Variants in TEX11 observed in about 807,000 individuals in gnomAD.
TEX11 encodes testis-expressed protein 11.
In TEX11, 7 loss-of-function variants were observed where a neutral mutation model predicts 84.4. The ratio of observed to expected loss-of-function variants is 0.08; its 90% CI spans 0.05 to 0.16. The LOEUF (loss-of-function observed/expected upper bound fraction) is 0.16, where lower values mean the gene tolerates loss of function less well. TEX11 is among the 10% of genes least tolerant of loss of function. The pLI is 1.00. For missense variants in TEX11, 551 were observed against 660.5 expected (o/e 0.83, Z 1.82); for synonymous variants, 264 against 222.8 (o/e 1.18, Z -1.64).
At chrX:70,865,415 A>G (rs1304173466) in intron 4 of TEX11, among the ~76,000 whole-genome samples, 1 of 111,711 alleles carries the variant, frequency 9.0e-6, no homozygotes, top group East Asian at 2.8e-4. Flanking sequence ...AGACCTACAA[A>G]GAGACTTAAA....
chrX:70,840,616 T>C (rs1374277301), intron 7 of TEX11, among the ~76,000 whole-genome samples: 1 of 111,261 alleles, frequency 9.0e-6, no homozygotes, highest in Middle Eastern at 4.2e-3. Flanking sequence ...CAGGATCAAA[T>C]TCACACATAA....
At chrX:70,613,704 G>C (rs1037436629) in intron 20 of TEX11, among the ~76,000 whole-genome samples, 2 of 111,967 alleles carry the variant, frequency 1.8e-5, no homozygotes, top group East Asian at 2.8e-4. Flanking sequence ...TGAGCCACCA[G>C]CTGGGGTAGC....
chrX:70,744,243 T>TATATATATATATA, intron 9 of TEX11, 24 bp from the exon 10 acceptor site: 1 of 203,559 alleles, frequency 4.9e-6, no homozygotes, highest in Non-Finnish European at 7.8e-6. Context: ...GGAAAAAAAA[T>TATATATATATATA]ATATATATAT....
At chrX:70,667,628 C>T (rs2089987129) in intron 16 of TEX11, among the ~76,000 whole-genome samples, 1 of 111,942 alleles carries the variant, frequency 8.9e-6, no homozygotes, top group African/African-American at 3.2e-5. Context: ...ATTATAGTGA[C>T]AGGAGAAAGA....
intron 28 of TEX11, among the ~76,000 whole-genome samples, chrX:70,536,398 G>A (rs1208102040): frequency 1.8e-5 from 2 of 111,551 alleles, no homozygotes; most frequent in East Asian, 5.6e-4. Context: ...GGATACAGAG[G>A]TATACATAAT....
chrX:70,834,708 G>A (rs903487057), intron 7 of TEX11, among the ~76,000 whole-genome samples: 2 of 107,165 alleles, frequency 1.9e-5, no homozygotes, highest in African/African-American at 3.4e-5. Context: ...AGGTTGCAGC[G>A]AGCTGAGATC....
intron 25 of TEX11, among the ~76,000 whole-genome samples, chrX:70,570,272 G>T: frequency 8.9e-6 from 1 of 112,072 alleles, no homozygotes; most frequent in Admixed American, 9.4e-5. Flanking sequence ...GCGCAGTATT[G>T]GGGTGGGAGT....
chrX:70,808,107 CAAAAAAAAAAAAAAAAAAAAAA>C (rs549201546), intron 8 of TEX11, among the ~76,000 whole-genome samples: 3 of 32,610 alleles, frequency 9.2e-5, no homozygotes, highest in South Asian at 3.1e-3. Context: ...GACTCTGTCT[CAAAAAAAAAAAAAAAAAAAAAA>C]AAAAAAAAAA....
intron 28 of TEX11, among the ~76,000 whole-genome samples, chrX:70,535,576 A>T (rs1309809934): frequency 9.0e-6 from 1 of 110,672 alleles, no homozygotes; most frequent in Non-Finnish European, 1.9e-5. Context: ...GTGAAACCGC[A>T]TCTCTACCAA....
chrX:70,886,839 G>A (rs2091711838), intron 2 of TEX11, among the ~76,000 whole-genome samples: 1 of 112,029 alleles, frequency 8.9e-6, no homozygotes, highest in Admixed American at 9.5e-5. Flanking sequence ...GCAATTGGCT[G>A]GGGGTGGAGG....
At chrX:70,610,602 C>A in intron 20 of TEX11, 59 bp from the exon 21 acceptor site, 1 of 1,090,317 alleles carries the variant, frequency 9.2e-7, no homozygotes, top group Admixed American at 2.5e-5. Context: ...TAAAACATAA[C>A]TAAAAAGGGA....
chrX:70,534,685 G>A (rs923062647), intron 28 of TEX11, among the ~76,000 whole-genome samples: 6 of 111,579 alleles, frequency 5.4e-5, no homozygotes, highest in South Asian at 3.8e-4. Flanking sequence ...TAACTGAATC[G>A]TAGGTATTCT....
At chrX:70,757,225 A>G (rs2090873697) in intron 9 of TEX11, among the ~76,000 whole-genome samples, 2 of 111,749 alleles carry the variant, frequency 1.8e-5, no homozygotes, top group African/African-American at 6.5e-5. Context: ...ACCTTCCCCA[A>G]CCTAGCAAGG....
rs767251541 is a variant in TEX11, at chrX:70,552,556, G to A, written c.2400-310C>T. 6.3e-5 allele frequency among the ~76,000 whole-genome samples: 7 copies of A among 111,128 alleles called. No homozygotes were observed. The South Asian group carries it at 2.7e-3, about 43-fold the overall frequency. ...TTTACAGGCATTTTAAAGCATCTCG[G>A]TACTTCCTCAAATGGGCAAGGGAAC... On this transcript the variant is annotated intron_variant, in intron 27 of 29. Coordinates refer to ENST00000374333, the MANE Select transcript of TEX11 (RefSeq NM_031276.3).
chrX:70,554,196 T>TA (rs1023698001), intron 26 of TEX11, among the ~76,000 whole-genome samples: 2 of 112,138 alleles, frequency 1.8e-5, no homozygotes, highest in Admixed American at 1.9e-4. Flanking sequence ...GCAATTGTGT[T>TA]AAAAAATATT....
intron 9 of TEX11, among the ~76,000 whole-genome samples, chrX:70,774,414 G>A (rs1372969691): frequency 1.8e-5 from 2 of 110,609 alleles, no homozygotes; most frequent in East Asian, 2.9e-4. Context: ...AAAGGCATCC[G>A]AACTGGAAAA....
rs764403305 is a variant in TEX11 at position 70,842,883 on chromosome X, C to T, written c.526-9290G>A. On this transcript the variant is annotated intron_variant, in intron 7 of 29. Transcript: ENST00000374333. ...ATGAGTGAACTCCCATTCACAATTG[C>T]TTCAAAGAGAATAAAATACCTAGGA... Among the ~76,000 whole-genome samples the T allele has an allele frequency of 5.0e-3, 554 of 111,440 alleles. 2 individuals are homozygous for T. The highest frequency in any genetic ancestry group is 0.017 in the African/African-American group (530 of 30,670).
intron 25 of TEX11, among the ~76,000 whole-genome samples, chrX:70,587,942 T>G (rs978778575): frequency 8.9e-6 from 1 of 112,718 alleles, no homozygotes. Flanking sequence ...GAGATCATTT[T>G]GGAGCTTTAA....
intron 9 of TEX11, among the ~76,000 whole-genome samples, chrX:70,787,483 G>A (rs1421782098): frequency 9.0e-6 from 1 of 110,643 alleles, no homozygotes; most frequent in Non-Finnish European, 1.9e-5. Context: ...GGCACATGCT[G>A]CCACACCCAG....
Sources: allele counts gnomAD v4.1 joint callset (sites outside exome capture counted in the v4.1 genomes callset), GRCh38; gene constraint gnomAD v4.1.1; transcripts MANE v1.5; gene names NCBI Gene and HGNC (gene_info 2026-07-23, HGNC 2026-07-21).